ODF1: variants seen among roughly 807,000 people sequenced by gnomAD.
The protein encoded by ODF1 is outer dense fiber protein 1.
In ODF1, 10 loss-of-function variants were observed where a neutral mutation model predicts 24.0. The ratio of observed to expected loss-of-function variants is 0.42; its 90% CI spans 0.26 to 0.71. The LOEUF (loss-of-function observed/expected upper bound fraction) is 0.71. Among genes scored for constraint, ODF1 ranks in the 30% least tolerant of loss-of-function variants. The pLI is 0.28. For missense variants in ODF1, 282 were observed against 307.9 expected, an observed-to-expected ratio of 0.92 and a Z score of 0.63; for synonymous variants, 118 against 121.3, an observed-to-expected ratio of 0.97 and a Z score of 0.18.
chr8:102,556,430 G>GTT (rs199581698), intron 1 of ODF1, among the ~76,000 whole-genome samples: 1 of 128,300 alleles, frequency 7.8e-6, no homozygotes, highest in Admixed American at 8.3e-5. Context: ...TGTTGTTGTT[G>GTT]TTGTTTTGTT....
intron 1 of ODF1, among the ~76,000 whole-genome samples, chr8:102,555,621 T>G (rs1246341692): frequency 6.6e-6 from 1 of 152,238 alleles, no homozygotes; most frequent in Non-Finnish European, 1.5e-5. Flanking sequence ...TTGGTGAGGC[T>G]GATGACAGTC....
chr8:102,558,267 C>T (rs1459664357), intron 1 of ODF1, among the ~76,000 whole-genome samples: 3 of 152,070 alleles, frequency 2.0e-5, no homozygotes, highest in South Asian at 2.1e-4. Flanking sequence ...CTGGCTAACA[C>T]GGTGAAACAC....
intron 1 of ODF1, among the ~76,000 whole-genome samples, chr8:102,553,605 T>A (rs1244776323): frequency 6.6e-6 from 1 of 152,210 alleles, no homozygotes; most frequent in Admixed American, 6.5e-5. Context: ...TGTGAGCAGA[T>A]CAGTATCCAC....
chr8:102,556,509 G>A (rs1164972157), intron 1 of ODF1, among the ~76,000 whole-genome samples: 1 of 152,098 alleles, frequency 6.6e-6, no homozygotes, highest in African/African-American at 2.4e-5. Context: ...GTACAGTGGT[G>A]TGATCTCGGC....
chr8:102,557,221 G>A (rs1347011160), intron 1 of ODF1, among the ~76,000 whole-genome samples: 1 of 152,130 alleles, frequency 6.6e-6, no homozygotes, highest in East Asian at 1.9e-4. Flanking sequence ...AGTATAGGAG[G>A]CAAACTCCCT....
In ODF1 at chr8:102,560,856, G is replaced by A. The variant is rs760760817; in HGVS notation, c.725G>A (p.Arg242Gln). Reference sequence around the variant, plus strand: ...AACCCGTGTTATCCCTGTGGAAGCCGATTTTCCTGTAGGAAGATGATTTTG... The same window carrying A: ...AACCCGTGTTATCCCTGTGGAAGCCAATTTTCCTGTAGGAAGATGATTTTG... ...PCNPCYPCGSRFSCRKMIL is the reference protein window; with the variant it reads ...PCNPCYPCGSQFSCRKMIL Residue 242 changes from arginine to glutamine, a missense_variant, in exon 2 of 2, where the codon CGA (arginine) becomes CAA (glutamine). By Grantham distance (43) the Arg-to-Gln change is conservative (BLOSUM62 1). Transcript: ENST00000285402. 13 of 1,612,028 alleles carry A rather than the reference G, an allele frequency of 8.1e-6. No homozygotes were observed. Among genetic ancestry groups the A allele is most frequent in the African/African-American group, 2.7e-5 (2 of 74,836 alleles).
intron 1 of ODF1, among the ~76,000 whole-genome samples, chr8:102,556,435 T>TGTTG (rs1175562695): frequency 3.2e-4 from 1 of 3,086 alleles, no homozygotes. Flanking sequence ...TTGTTGTTGT[T>TGTTG]TTGTTTTGTT....
chr8:102,552,385 G>C (rs1826052492), intron 1 of ODF1, among the ~76,000 whole-genome samples: 1 of 152,152 alleles, frequency 6.6e-6, no homozygotes, highest in South Asian at 2.1e-4. Context: ...ATTTTTCCTG[G>C]TTATGAGTAA....
intron 1 of ODF1, among the ~76,000 whole-genome samples, chr8:102,558,013 T>G (rs1032450082): frequency 1.3e-5 from 2 of 152,226 alleles, no homozygotes; most frequent in African/African-American, 4.8e-5. Flanking sequence ...CTTGTTCTCC[T>G]GCTTACCTCA....
At chr8:102,556,272 GTCAGTGGTTC>G (rs1418653162) in intron 1 of ODF1, among the ~76,000 whole-genome samples, 4 of 152,126 alleles carry the variant, frequency 2.6e-5, no homozygotes, top group African/African-American at 9.7e-5. Context: ...TTAATCTCTG[GTCAGTGGTTC>G]TCGTAGTGTG....
Position 102,552,007 on chromosome 8 carries a change from G to A in ODF1, c.280G>A (p.Ala94Thr), listed in dbSNP as rs1826047920. ...ATCTCTCAGAAGTTTGGAGAGGAAAGCCATCAGAGCCATAGAAGATGAGAA... is the reference window on the plus strand; with the variant it reads ...ATCTCTCAGAAGTTTGGAGAGGAAAACCATCAGAGCCATAGAAGATGAGAA... The part of the protein sequence containing the change: ...RPSLRSLERK[A>T]IRAIEDEKRE... The change falls in exon 1 of 2, where the codon GCC (alanine) becomes ACC (threonine). Residue 94 changes from alanine to threonine, a missense_variant. Coordinates refer to ENST00000285402, the MANE Select transcript of ODF1 (RefSeq NM_024410.4). The A allele has an allele frequency of 1.9e-6, 3 of 1,608,324 alleles. No individual in the cohort carries two copies. The highest frequency in any genetic ancestry group is 2.2e-5 in the East Asian group (1 of 44,774).
chr8:102,560,433 T>C lies in ODF1; in HGVS notation c.321-19T>C. 6.2e-7 allele frequency: 1 copy of C among 1,604,440 alleles called. No individual in the cohort carries two copies. Among genetic ancestry groups the C allele is most frequent in the East Asian group, 2.2e-5 (1 of 44,768 alleles). On this transcript the variant is annotated intron_variant, in intron 1 of 1. Transcript: ENST00000285402. ...GAGGTCTGAGCTCCCTCCCACCCTA[T>C]CCCTTTTCTCAATTCCAGACTGAGA...
Position 102,551,874 on chromosome 8 carries a change from G to A in ODF1, c.147G>A (p.Leu49=), listed in dbSNP as rs917622336. 3 of 1,614,002 alleles carry A rather than the reference G, an allele frequency of 1.9e-6. No homozygotes were observed. The highest frequency in any genetic ancestry group is 2.7e-5 in the African/African-American group (2 of 74,898). Reference sequence around the variant, plus strand: ...TGCACCCCTATTGCTGCTGTGACTTGCACCCATATCCGTACTGCTTGTGCT... The same window carrying A: ...TGCACCCCTATTGCTGCTGTGACTTACACCCATATCCGTACTGCTTGTGCT... ...LYMHPYCCCD[L]HPYPYCLCYS... is the part of the protein sequence containing the mutation. Residue 49 remains leucine, a synonymous_variant, in exon 1 of 2, where the codon TTG becomes TTA. Transcript: ENST00000285402.
At chr8:102,556,595 G>C (rs889829655) in intron 1 of ODF1, among the ~76,000 whole-genome samples, 5 of 151,984 alleles carry the variant, frequency 3.3e-5, no homozygotes, top group Admixed American at 6.6e-5. Flanking sequence ...CTAGAGGTGC[G>C]GACAACCACG....
intron 1 of ODF1, among the ~76,000 whole-genome samples, chr8:102,555,943 A>G (rs888138436): frequency 3.9e-5 from 6 of 152,136 alleles, no homozygotes; most frequent in African/African-American, 1.4e-4. Context: ...GTCTCTCCCC[A>G]TCTAGGCCAA....
At chr8:102,557,886 C>T (rs556808625) in intron 1 of ODF1, among the ~76,000 whole-genome samples, 10 of 152,330 alleles carry the variant, frequency 6.6e-5, no homozygotes, top group Middle Eastern at 3.4e-3. Flanking sequence ...TCCCCTTGGC[C>T]TTGGCTGCTC....
At chr8:102,555,033 A>G (rs2436899) in intron 1 of ODF1, among the ~76,000 whole-genome samples, 127,960 of 151,936 alleles carry the variant, frequency 0.84, 54,171 homozygotes, top group Middle Eastern at 0.88. Context: ...AGAAGACACC[A>G]TGTTGGCAGT....
Position 102,560,642 on chromosome 8 carries a change from A to G in ODF1, c.511A>G (p.Ile171Val). 2 of 1,614,244 alleles carry G rather than the reference A, an allele frequency of 1.2e-6. No individual in the cohort carries two copies. The highest frequency in any genetic ancestry group is 1.7e-6 in the Non-Finnish European group (2 of 1,180,042). ...ATCGAAAAAGTACAGCTACATGAAC[A>G]TCTGCAAAGAGTTCAGCTTGCCGCC... ...LGSKKYSYMN[I>V]CKEFSLPPCV... The change falls in exon 2 of 2, where the codon ATC becomes GTC. Residue 171 changes from isoleucine to valine, a missense_variant. By Grantham distance (29) the Ile-to-Val change is conservative. Coordinates refer to ENST00000285402, the MANE Select transcript of ODF1 (RefSeq NM_024410.4).
intron 1 of ODF1, among the ~76,000 whole-genome samples, chr8:102,553,359 A>G (rs1428174012): frequency 6.9e-6 from 1 of 145,498 alleles, no homozygotes; most frequent in Non-Finnish European, 1.5e-5. Flanking sequence ...ACCGGGTGAC[A>G]AAGTGAGACT....
Sources: allele counts gnomAD v4.1 joint callset (sites outside exome capture counted in the v4.1 genomes callset), GRCh38; gene constraint gnomAD v4.1.1; transcripts MANE v1.5; gene names NCBI Gene and HGNC (gene_info 2026-07-23, HGNC 2026-07-21).